The following IL17RD variants were observed in gnomAD, a reference collection of about 807,000 sequenced individuals.
The protein encoded by IL17RD is interleukin 17 receptor D, also known as interleukin-17 receptor D.
Under a neutral mutation model 80.5 loss-of-function variants are expected in IL17RD, and 52 were observed. The observed-to-expected ratio is 0.65, with a 90% confidence interval of 0.52 to 0.81. The LOEUF (loss-of-function observed/expected upper bound fraction) is 0.81. Ranked by LOEUF, IL17RD falls within the 40% of genes least tolerant of loss-of-function variation. The pLI is 0.00. For missense variants in IL17RD, 1,024 were observed against 955.1 expected (o/e 1.07, Z -0.95); for synonymous variants, 416 against 391.8 (o/e 1.06, Z -0.73).
At chr3:57,160,312 GA>G (rs58416765) in intron 1 of IL17RD, among the ~76,000 whole-genome samples, 62 of 145,852 alleles carry the variant, frequency 4.3e-4, no homozygotes, top group African/African-American at 1.2e-3. Flanking sequence ...CTTTAAAAAA[GA>G]AAAAAAAAAC....
chr3:57,141,512 A>G lies in IL17RD; in HGVS notation c.127-21199T>C, dbSNP rs149997359. ...ATGTATTGTTTGAATTAAAAATACT[A>G]TATACAATTGAATATAATCCTGAGC... On this transcript the variant is annotated intron_variant, in intron 1 of 12. Coordinates refer to ENST00000296318, the MANE Select transcript of IL17RD (RefSeq NM_017563.5). 1.4e-3 allele frequency among the ~76,000 whole-genome samples: 210 copies of G among 152,346 alleles called. 4 individuals are homozygous for G. In the East Asian group the frequency reaches 0.035, roughly 26 times the overall value.
chr3:57,163,576 T>A (rs2060321257), intron 1 of IL17RD, among the ~76,000 whole-genome samples: 2 of 152,040 alleles, frequency 1.3e-5, no homozygotes, highest in South Asian at 4.1e-4. Context: ...GCCTGTGATA[T>A]TGTAGTCATT....
At chr3:57,160,718 G>C (rs1465582073) in intron 1 of IL17RD, among the ~76,000 whole-genome samples, 1 of 152,178 alleles carries the variant, frequency 6.6e-6, no homozygotes, top group Non-Finnish European at 1.5e-5. Context: ...TGTTTAGAAT[G>C]TGTGTTCTCC....
intron 1 of IL17RD, among the ~76,000 whole-genome samples, chr3:57,161,481 C>T (rs1032670416): frequency 1.3e-5 from 2 of 152,234 alleles, no homozygotes; most frequent in South Asian, 4.1e-4. Flanking sequence ...ACTTGCATTT[C>T]ATTGTAAAGA....
chr3:57,130,571 T>A lies in IL17RD; in HGVS notation c.127-10258A>T, dbSNP rs543653415. Among the ~76,000 whole-genome samples, 40 of 152,254 alleles carry A rather than the reference T, an allele frequency of 2.6e-4. 1 individual carries two copies. In the South Asian group the frequency reaches 8.3e-3, roughly 32 times the overall value. ...GGTCTGGCCTTTCCCAGAAGCTTTCTGGGGGAGAGGGAAGTAGTCAGCCCA... is the reference window on the plus strand; with the variant it reads ...GGTCTGGCCTTTCCCAGAAGCTTTCAGGGGGAGAGGGAAGTAGTCAGCCCA... On this transcript the variant is annotated intron_variant, in intron 1 of 12. Transcript: ENST00000296318.
rs181515652 is a variant in IL17RD, at chr3:57,153,021, T to C, written c.126+12140A>G. Among the ~76,000 whole-genome samples, 267 of 152,326 alleles carry C rather than the reference T, an allele frequency of 1.8e-3. 6 individuals carry two copies. The highest frequency in any genetic ancestry group is 0.015 in the Admixed American group (235 of 15,300). On this transcript the variant is annotated intron_variant, in intron 1 of 12. Coordinates refer to ENST00000296318, the MANE Select transcript of IL17RD (RefSeq NM_017563.5). ...TATAACTGCAACAAGCCCATGTGAA[T>C]AGCAAAAGCCTTGAGCATTCTTGAG...
intron 2 of IL17RD, among the ~76,000 whole-genome samples, chr3:57,117,891 A>G (rs997618393): frequency 6.6e-6 from 1 of 152,234 alleles, no homozygotes; most frequent in Non-Finnish European, 1.5e-5. Context: ...CAAGCTGTGA[A>G]TTAAATTTTA....
In IL17RD at chr3:57,165,256, A is replaced by T; in HGVS notation, c.31T>A (p.Phe11Ile). ...TTGAGGCAGGCGTTGACCGTAAAGA[A>T]GACGGAGCAGAGCTGCAGCCACGGG... MAPWLQLCSVFFTVNACLNGS... is the reference protein window; with the variant it reads MAPWLQLCSVIFTVNACLNGS... The change falls in exon 1 of 13, where the codon TTC becomes ATC. Residue 11 changes from phenylalanine to isoleucine, a missense_variant. Transcript: ENST00000296318. The T allele has an allele frequency of 1.3e-6, 2 of 1,524,914 alleles. No homozygotes were observed. The highest frequency in any genetic ancestry group is 1.8e-6 in the Non-Finnish European group (2 of 1,136,446). 94.5% of individuals were successfully genotyped at this position (1,524,914 alleles called of 1,614,324 possible).
Position 57,120,156 on chromosome 3 carries a change from C to A in IL17RD, c.184+100G>T, listed in dbSNP as rs112603146. ...CAAACCTGAACAGGTTCAGAAAATTCGTCAACCCCAAGACTGCAGAGTCCT... is the reference window on the plus strand; with the variant it reads ...CAAACCTGAACAGGTTCAGAAAATTAGTCAACCCCAAGACTGCAGAGTCCT... On this transcript the variant is annotated intron_variant, in intron 2 of 12. Coordinates refer to ENST00000296318, the MANE Select transcript of IL17RD (RefSeq NM_017563.5). 1,371 of 935,126 alleles carry A rather than the reference C, an allele frequency of 1.5e-3. 13 individuals carry two copies. In the African/African-American group the frequency reaches 0.019, roughly 13 times the overall value. 57.9% of individuals were successfully genotyped at this position (935,126 alleles called of 1,614,324 possible).
At chr3:57,107,255 T>C (rs1706985487) in intron 5 of IL17RD, among the ~76,000 whole-genome samples, 1 of 152,012 alleles carries the variant, frequency 6.6e-6, no homozygotes, top group Non-Finnish European at 1.5e-5. Context: ...GGCGGGCACC[T>C]GTAGTCCCAG....
intron 2 of IL17RD, among the ~76,000 whole-genome samples, chr3:57,118,543 C>T (rs1707266282): frequency 6.6e-6 from 1 of 152,150 alleles, no homozygotes; most frequent in Non-Finnish European, 1.5e-5. Context: ...GTCATTTTTA[C>T]TTAAATTATG....
intron 10 of IL17RD, among the ~76,000 whole-genome samples, chr3:57,102,256 C>T (rs1280256695): frequency 7.9e-5 from 12 of 152,156 alleles, no homozygotes; most frequent in Admixed American, 5.2e-4. Context: ...GGCAACAGAG[C>T]GAGACCCTGT....
rs747667507 is a variant in IL17RD, at chr3:57,098,370, C to T, written c.1333G>A (p.Gly445Arg). The T allele has an allele frequency of 6.8e-6, 11 of 1,613,938 alleles. No individual in the cohort carries two copies. The highest frequency in any genetic ancestry group is 9.3e-6 in the Non-Finnish European group (11 of 1,179,912). The part of the protein sequence containing the change: ...YKHKGGGRGS[G>R]KGELFLVAVS... ...GCCACCAGGAAGAGCTCTCCTTTCC[C>T]CGAGCCTCGGCCACCTCCTTTGTGT... The change falls in exon 12 of 13, where the codon GGG becomes AGG. Residue 445 changes from glycine (G) to arginine (R), a missense_variant. Gly to Arg is a moderately radical substitution (Grantham distance 125). Coordinates refer to ENST00000296318, the MANE Select transcript of IL17RD (RefSeq NM_017563.5).
chr3:57,152,124 T>G (rs886962735), intron 1 of IL17RD, among the ~76,000 whole-genome samples: 1 of 152,036 alleles, frequency 6.6e-6, no homozygotes, highest in African/African-American at 2.4e-5. Context: ...AGCATAGCCA[T>G]AGAAACAAGA....
At position 57,131,865 on chromosome 3, in the gene IL17RD, A is replaced by G. The variant is rs774379663; in HGVS notation, c.127-11552T>C. Reference sequence around the variant, plus strand: ...CTTAAAGCTACGTCTGTTGAATAATAGAGAGTGGTTTTACTTCGGTGATTA... The same window carrying G: ...CTTAAAGCTACGTCTGTTGAATAATGGAGAGTGGTTTTACTTCGGTGATTA... On this transcript the variant is annotated intron_variant, in intron 1 of 12. Coordinates refer to ENST00000296318, the MANE Select transcript of IL17RD (RefSeq NM_017563.5). 6.6e-5 allele frequency among the ~76,000 whole-genome samples: 10 copies of G among 152,348 alleles called. 1 individual carries two copies. The highest frequency in any genetic ancestry group is 6.8e-3 in the Middle Eastern group (2 of 294).
chr3:57,120,159 C>T, intron 2 of IL17RD, 97 bp downstream of exon 2: 3 of 1,006,528 alleles, frequency 3.0e-6, no homozygotes, highest in Non-Finnish European at 3.1e-6. Context: ...GAAAATTCGT[C>T]AACCCCAAGA....
intron 1 of IL17RD, among the ~76,000 whole-genome samples, chr3:57,131,582 G>C (rs926655710): frequency 1.3e-5 from 2 of 152,172 alleles, no homozygotes; most frequent in African/African-American, 2.4e-5. Flanking sequence ...ATCTGAAAAC[G>C]GGGTGAGTGT....
At chr3:57,147,235 G>C (rs1197162998) in intron 1 of IL17RD, among the ~76,000 whole-genome samples, 5 of 152,144 alleles carry the variant, frequency 3.3e-5, no homozygotes, top group African/African-American at 4.8e-5. Context: ...GCCAGGCACA[G>C]AGCTGGATGT....
intron 1 of IL17RD, among the ~76,000 whole-genome samples, chr3:57,126,249 T>C (rs769285551): frequency 2.6e-5 from 4 of 152,224 alleles, no homozygotes; most frequent in Non-Finnish European, 5.9e-5. Context: ...GCTTTTAATT[T>C]GTTCCAAAGG....
Sources: gnomAD v4.1 joint callset for allele counts (sites outside exome capture counted in the v4.1 genomes callset) on GRCh38, gnomAD v4.1.1 for gene constraint, MANE v1.5 for transcripts, NCBI Gene and HGNC (gene_info 2026-07-23, HGNC 2026-07-21) for gene names.